MMD: variants seen among roughly 807,000 people sequenced by gnomAD.
MMD encodes monocyte to macrophage differentiation factor.
MMD carries 22 observed loss-of-function variants against 33.6 expected under a neutral mutation model. That is an observed-to-expected ratio of 0.66 (90% CI 0.47 to 0.94). The LOEUF (loss-of-function observed/expected upper bound fraction) is 0.94. Among genes scored for constraint, MMD ranks in the 40% least tolerant of loss-of-function variants. The pLI is 0.00. For synonymous variants in MMD, 97 were observed against 103.2 expected, an observed-to-expected ratio of 0.94 and a Z score of 0.36; for missense variants, 242 against 309.8, an observed-to-expected ratio of 0.78 and a Z score of 1.64.
chr17:55,393,662 A>T lies in MMD; in HGVS notation c.*672T>A, dbSNP rs758961950. On this transcript the variant is annotated 3_prime_UTR_variant, in exon 7 of 7. Coordinates refer to ENST00000262065, the MANE Select transcript of MMD (RefSeq NM_012329.3). ...TGAATTCAGAGTAAGAGGTTGGCAG[A>T]AAAGTTTGGAAAACTGCAGTTTTTA... The T allele has an allele frequency of 6.5e-6, 1 of 152,680 alleles. No homozygotes were observed. The highest frequency in any genetic ancestry group is 1.5e-5 in the Non-Finnish European group (1 of 68,038). The allele number at this position is 152,680 out of a possible 1,614,324, so 9.5% of individuals were successfully genotyped here.
chr17:55,407,870 A>G, intron 3 of MMD, 50 bp from the exon 4 acceptor site: 1 of 1,344,192 alleles, frequency 7.4e-7, no homozygotes, highest in Non-Finnish European at 1.0e-6. Context: ...TTCAGATGGG[A>G]AGTACGGGTT....
At chr17:55,405,420 G>A (rs553251108) in intron 4 of MMD, among the ~76,000 whole-genome samples, 5 of 150,544 alleles carry the variant, frequency 3.3e-5, no homozygotes, top group Non-Finnish European at 7.4e-5. Context: ...AGAAACAAAT[G>A]TTGTCCTGAT....
chr17:55,410,940 A>G (rs953762058), intron 3 of MMD, among the ~76,000 whole-genome samples: 1 of 152,214 alleles, frequency 6.6e-6, no homozygotes, highest in Non-Finnish European at 1.5e-5. Flanking sequence ...TGCTGCTCTC[A>G]TCATATCCTT....
chr17:55,414,176 T>G lies in MMD; in HGVS notation c.83A>C (p.His28Pro). 1.2e-6 allele frequency: 2 copies of G among 1,613,908 alleles called. No homozygotes were observed. Among genetic ancestry groups the G allele is most frequent in the Non-Finnish European group, 1.7e-6 (2 of 1,179,814 alleles). ...NGRYKPTCYEHAANCYTHAFL... is the reference protein window; with the variant it reads ...NGRYKPTCYEPAANCYTHAFL... ...TGCGTGTGTGTAACAGTTAGCAGCA[T>G]GTTCATAGCAAGTTGGCTTGTAGCG... The change falls in exon 2 of 7, where the codon CAT (histidine) becomes CCT (proline). Residue 28 changes from histidine (H) to proline (P), a missense_variant. His to Pro is a moderately conservative substitution (Grantham distance 77). Coordinates refer to ENST00000262065, the MANE Select transcript of MMD (RefSeq NM_012329.3).
intron 4 of MMD, chr17:55,404,561 T>C (rs1907470703): frequency 3.0e-6 from 3 of 985,344 alleles, no homozygotes; most frequent in Non-Finnish European, 2.4e-6. Flanking sequence ...GAACAAAATT[T>C]TGACGCAGGA....
chr17:55,414,302 G>A, intron 1 of MMD, 70 bp from the exon 2 acceptor site: 2 of 1,385,898 alleles, frequency 1.4e-6, no homozygotes, highest in Admixed American at 3.5e-5. Context: ...AAACCCACCA[G>A]TGGGTATGTG....
chr17:55,398,319 T>C (rs1907201206), intron 6 of MMD, among the ~76,000 whole-genome samples: 2 of 151,538 alleles, frequency 1.3e-5, no homozygotes, highest in Non-Finnish European at 2.9e-5. Flanking sequence ...CCAATAATTT[T>C]TTTTTCTTAA....
intron 5 of MMD, among the ~76,000 whole-genome samples, chr17:55,402,676 G>C (rs1209946267): frequency 4.6e-5 from 7 of 152,176 alleles, no homozygotes; most frequent in Non-Finnish European, 7.3e-5. Flanking sequence ...ACACCAGAAG[G>C]CCGGGAAAAG....
At chr17:55,405,378 A>AG (rs1491197654) in intron 4 of MMD, among the ~76,000 whole-genome samples, 1 of 105,456 alleles carries the variant, frequency 9.5e-6, no homozygotes, top group Non-Finnish European at 2.3e-5. Flanking sequence ...TCCGTCTCAA[A>AG]GAAAAAAAAA....
At chr17:55,417,701 TAGA>T (rs1338302058) in intron 1 of MMD, among the ~76,000 whole-genome samples, 3 of 152,074 alleles carry the variant, frequency 2.0e-5, no homozygotes, top group African/African-American at 7.2e-5. Flanking sequence ...CTGACTGAGG[TAGA>T]AGGACTGCTT....
intron 4 of MMD, among the ~76,000 whole-genome samples, chr17:55,405,525 A>T (rs1341863078): frequency 6.6e-6 from 1 of 152,170 alleles, no homozygotes; most frequent in African/African-American, 2.4e-5. Context: ...ATGATATTTA[A>T]CTCCTCAGCT....
chr17:55,414,743 A>G (rs1217309879), intron 1 of MMD, among the ~76,000 whole-genome samples: 2 of 152,160 alleles, frequency 1.3e-5, no homozygotes, highest in East Asian at 3.8e-4. Context: ...TAAACCCTAC[A>G]TCCCATGATT....
chr17:55,412,021 G>A (rs1474149962), intron 2 of MMD, among the ~76,000 whole-genome samples: 1 of 152,184 alleles, frequency 6.6e-6, no homozygotes, highest in Non-Finnish European at 1.5e-5. Context: ...AGGCTACAGT[G>A]AGCCATGATT....
At chr17:55,399,197 G>A (rs1203464113) in intron 6 of MMD, among the ~76,000 whole-genome samples, 1 of 152,078 alleles carries the variant, frequency 6.6e-6, no homozygotes, top group Non-Finnish European at 1.5e-5. Flanking sequence ...CATTTTCTTG[G>A]TTTCTCTTCC....
intron 6 of MMD, among the ~76,000 whole-genome samples, chr17:55,400,661 C>G (rs776477464): frequency 2.6e-5 from 4 of 152,030 alleles, no homozygotes; most frequent in Non-Finnish European, 5.9e-5. Flanking sequence ...AACGAAACAC[C>G]TTGGGACCTC....
chr17:55,402,833 G>T (rs1459807665), intron 5 of MMD, among the ~76,000 whole-genome samples: 1 of 152,150 alleles, frequency 6.6e-6, no homozygotes, highest in Non-Finnish European at 1.5e-5. Flanking sequence ...GGTCAAAAAG[G>T]TATTTAAGTG....
intron 3 of MMD, among the ~76,000 whole-genome samples, chr17:55,410,655 A>T (rs945577876): frequency 1.2e-4 from 18 of 152,362 alleles, no homozygotes; most frequent in African/African-American, 4.3e-4. Flanking sequence ...TCTGAAAGCT[A>T]AACTTTGCAA....
Position 55,393,606 on chromosome 17 carries a change from G to A in MMD, c.*728C>T, listed in dbSNP as rs889760031. ...TACTTTTCCATCACTGGTAAACCAA[G>A]CTAGGTCAAGTATATGTCCCAAAGC... is the stretch of plus-strand genomic sequence containing the variant. On this transcript the variant is annotated 3_prime_UTR_variant, in exon 7 of 7. Transcript: ENST00000262065. 6 of 152,644 alleles carry A rather than the reference G, an allele frequency of 3.9e-5. No individual in the cohort carries two copies. The highest frequency in any genetic ancestry group is 7.2e-5 in the African/African-American group (3 of 41,458). 9.5% of individuals were successfully genotyped at this position (152,644 alleles called of 1,614,324 possible).
intron 3 of MMD, among the ~76,000 whole-genome samples, chr17:55,409,700 A>G (rs1204166464): frequency 6.6e-6 from 1 of 152,230 alleles, no homozygotes; most frequent in Non-Finnish European, 1.5e-5. Context: ...TAGCAATGCT[A>G]TTCAAAGTTA....
Sources: allele counts gnomAD v4.1 joint callset (sites outside exome capture counted in the v4.1 genomes callset), GRCh38; gene constraint gnomAD v4.1.1; transcripts MANE v1.5; gene names NCBI Gene and HGNC (gene_info 2026-07-23, HGNC 2026-07-21).